FER: variants seen among roughly 807,000 people sequenced by gnomAD.
The protein encoded by FER is FER tyrosine kinase.
In FER, 63 loss-of-function variants were observed where a neutral mutation model predicts 111.0. The observed-to-expected ratio is 0.57, with a 90% CI of 0.46 to 0.70. FER has a LOEUF of 0.70. Ranked by LOEUF, FER falls within the 30% of genes least tolerant of loss-of-function variation. The pLI is 0.00. For missense variants in FER, 914 were observed against 954.0 expected (o/e 0.96, Z 0.55); for synonymous variants, 327 against 313.9 (o/e 1.04, Z -0.44).
chr5:109,120,047 A>G lies in FER; in HGVS notation c.2048+19528A>G, dbSNP rs371626527. On this transcript the variant is annotated intron_variant, in intron 17 of 19. Transcript: ENST00000281092. Reference sequence around the variant, plus strand: ...TTAACCCCTTCTCAGAAGGATAGTTAGCAAGTATTTTCTTCTGTATTATCT... The same window carrying G: ...TTAACCCCTTCTCAGAAGGATAGTTGGCAAGTATTTTCTTCTGTATTATCT... Among the ~76,000 whole-genome samples, 118 of 152,194 alleles carry G rather than the reference A, an allele frequency of 7.8e-4. 2 individuals are homozygous for G. The South Asian group carries it at 0.024, about 31-fold the overall frequency.
In FER at chr5:108,923,567, A is replaced by T. The variant is rs186850910; in HGVS notation, c.1237-22563A>T. Among the ~76,000 whole-genome samples, 4 of 152,290 alleles carry T rather than the reference A, an allele frequency of 2.6e-5. No homozygotes were observed. In the East Asian group the frequency reaches 7.7e-4, roughly 29 times the overall value. On this transcript the variant is annotated intron_variant, in intron 10 of 19. Coordinates refer to ENST00000281092, the MANE Select transcript of FER (RefSeq NM_005246.4). ...CTGAATATGATACCTGGCATCTAGT[A>T]GTTGTATCTTTGTTTAAAAAAATGA... is the stretch of plus-strand genomic sequence containing the variant.
chr5:108,957,968 A>T, intron 12 of FER, among the ~76,000 whole-genome samples: 1 of 151,598 alleles, frequency 6.6e-6, no homozygotes, highest in Non-Finnish European at 1.5e-5. Flanking sequence ...GATCAGTGCT[A>T]ATATATCATA....
At chr5:108,903,089 A>G (rs915888185) in intron 10 of FER, among the ~76,000 whole-genome samples, 1 of 152,158 alleles carries the variant, frequency 6.6e-6, no homozygotes, top group African/African-American at 2.4e-5. Flanking sequence ...CCAAACATAT[A>G]ATAATTTTTG....
At chr5:108,946,349 C>A in intron 11 of FER, 127 bp downstream of exon 11, 1 of 560,714 alleles carries the variant, frequency 1.8e-6, no homozygotes, top group Non-Finnish European at 3.0e-6. Flanking sequence ...TAAATTTGCA[C>A]TTACAAATGG....
rs1759640766 is a variant in FER at position 109,195,023 on chromosome 5, C to T, written c.*7448C>T. The T allele has an allele frequency of 6.6e-6, 1 of 152,142 alleles. No individual in the cohort carries two copies. Among genetic ancestry groups the T allele is most frequent in the Non-Finnish European group, 1.5e-5 (1 of 68,028 alleles). 9.4% of individuals were successfully genotyped at this position (152,142 alleles called of 1,614,324 possible). A position where few individuals can be genotyped will look rare whatever the true frequency, so the allele number is the denominator to read the frequency against. The stretch of plus-strand genomic sequence containing the variant: ...TAAAAGAACCAGCCTGGCAGTCTTT[C>T]CCACCTCATTGGTCCGTGCTTTTAT... On this transcript the variant is annotated 3_prime_UTR_variant, in exon 20 of 20. Coordinates refer to ENST00000281092, the MANE Select transcript of FER (RefSeq NM_005246.4).
At chr5:109,056,585 A>G (rs1466636048) in intron 16 of FER, among the ~76,000 whole-genome samples, 1 of 152,174 alleles carries the variant, frequency 6.6e-6, no homozygotes, top group Non-Finnish European at 1.5e-5. Context: ...AAATGGGAAG[A>G]TGTAGGTCAG....
In FER at chr5:109,194,212, A is replaced by G. The variant is rs1046017521; in HGVS notation, c.*6637A>G. The G allele has an allele frequency of 3.9e-5, 6 of 152,198 alleles. No individual in the cohort carries two copies. Among genetic ancestry groups the G allele is most frequent in the African/African-American group, 1.4e-4 (6 of 41,438 alleles). 9.4% of individuals were successfully genotyped at this position (152,198 alleles called of 1,614,324 possible). A position where few individuals can be genotyped will look rare whatever the true frequency, so the allele number is the denominator to read the frequency against. ...CTTCCATTCCACTGTTCTATTGCCAATACCTTTTGTTGTTTTCTTCACACT... is the reference window on the plus strand; with the variant it reads ...CTTCCATTCCACTGTTCTATTGCCAGTACCTTTTGTTGTTTTCTTCACACT... On this transcript the variant is annotated 3_prime_UTR_variant, in exon 20 of 20. Transcript: ENST00000281092.
chr5:108,995,975 G>C (rs1249178185), intron 13 of FER, among the ~76,000 whole-genome samples: 2 of 152,162 alleles, frequency 1.3e-5, no homozygotes, highest in Non-Finnish European at 2.9e-5. Flanking sequence ...GTGTGAGATG[G>C]TATCTCTTTG....
At chr5:108,811,094 G>A (rs185898475) in intron 3 of FER, among the ~76,000 whole-genome samples, 16 of 152,074 alleles carry the variant, frequency 1.1e-4, no homozygotes, top group African/African-American at 3.1e-4. Flanking sequence ...CACAATCTAT[G>A]TCCAGGAAGG....
chr5:108,915,346 C>T (rs959277451), intron 10 of FER, among the ~76,000 whole-genome samples: 3 of 152,082 alleles, frequency 2.0e-5, no homozygotes, highest in Non-Finnish European at 4.4e-5. Context: ...GGTGGTGTCA[C>T]CTGTAATCCC....
At chr5:108,785,193 C>G in intron 2 of FER, 1 of 628,314 alleles carries the variant, frequency 1.6e-6, no homozygotes, top group Non-Finnish European at 2.7e-6. Context: ...TATCTGAACA[C>G]TGTGACTATG....
intron 14 of FER, among the ~76,000 whole-genome samples, chr5:109,039,564 A>G (rs62377128): frequency 0.095 from 14,416 of 152,126 alleles, 918 homozygotes; most frequent in Non-Finnish European, 0.13. Flanking sequence ...GGAAATCCAG[A>G]TAAACCTTAT....
chr5:109,111,392 A>AC (rs1749606000), intron 17 of FER, among the ~76,000 whole-genome samples: 1 of 152,174 alleles, frequency 6.6e-6, no homozygotes, highest in South Asian at 2.1e-4. Flanking sequence ...GGTATAAAAA[A>AC]AGGCCATTCC....
intron 14 of FER, among the ~76,000 whole-genome samples, chr5:109,039,176 T>A (rs1770800343): frequency 6.6e-6 from 1 of 151,820 alleles, no homozygotes; most frequent in African/African-American, 2.4e-5. Flanking sequence ...ACTTTGGAGT[T>A]AAGTTATAAT....
intron 2 of FER, among the ~76,000 whole-genome samples, chr5:108,787,533 A>T (rs1754882361): frequency 6.6e-6 from 1 of 152,158 alleles, no homozygotes; most frequent in Non-Finnish European, 1.5e-5. Context: ...CCAGAGTGAG[A>T]ACTTCATTGA....
chr5:108,822,762 TA>T (rs1561470087), intron 3 of FER, among the ~76,000 whole-genome samples: 160 of 71,174 alleles, frequency 2.2e-3, no homozygotes, highest in African/African-American at 0.012. Flanking sequence ...TATTTTATTT[TA>T]TTTATTTTAT....
At chr5:108,798,536 G>A (rs1756297297) in intron 3 of FER, 147 bp downstream of exon 3, 2 of 747,554 alleles carry the variant, frequency 2.7e-6, no homozygotes, top group African/African-American at 3.6e-5. Context: ...ATCTCATGGA[G>A]AAGTTTTTAA....
chr5:108,867,816 A>G lies in FER; in HGVS notation c.531A>G (p.Lys177=). Residue 177 remains lysine, a synonymous_variant, in exon 6 of 20, where the codon AAA becomes AAG. Transcript: ENST00000281092. ...AACGATACGACAAAGCCACAATGAA[A>G]CTTCATATGTTGCACAATCAGTATG... is the stretch of plus-strand genomic sequence containing the variant. The part of the protein sequence containing the change: ...AKERYDKATM[K]LHMLHNQYVL... The G allele has an allele frequency of 1.2e-6, 2 of 1,612,998 alleles. No individual in the cohort carries two copies. Among genetic ancestry groups the G allele is most frequent in the Non-Finnish European group, 1.7e-6 (2 of 1,179,496 alleles).
intron 13 of FER, among the ~76,000 whole-genome samples, chr5:109,026,049 G>A (rs1768682620): frequency 6.6e-6 from 1 of 152,084 alleles, no homozygotes; most frequent in Non-Finnish European, 1.5e-5. Context: ...ATGAAAATGA[G>A]TTAGAAAATA....
Sources: allele counts gnomAD v4.1 joint callset (sites outside exome capture counted in the v4.1 genomes callset), GRCh38; gene constraint gnomAD v4.1.1; transcripts MANE v1.5; gene names NCBI Gene and HGNC (gene_info 2026-07-23, HGNC 2026-07-21).